KPNB1: variants seen among roughly 807,000 people sequenced by gnomAD.
KPNB1 encodes importin subunit beta-1.
Under a neutral mutation model 113.0 loss-of-function variants are expected in KPNB1, and 7 were observed. That is an observed-to-expected ratio of 0.06 (90% CI 0.04 to 0.12). The LOEUF (loss-of-function observed/expected upper bound fraction) is 0.12. KPNB1 is among the 10% of genes least tolerant of loss of function. KPNB1 has a pLI of 1.00. For missense variants in KPNB1, 400 were observed against 1,054.8 expected (o/e 0.38, Z 8.60); for synonymous variants, 363 against 378.6 (o/e 0.96, Z 0.48).
rs186053286 is a variant in KPNB1, at chr17:47,662,680, G to C, written c.697-409G>C. 1.2e-3 allele frequency among the ~76,000 whole-genome samples: 190 copies of C among 152,036 alleles called. 1 individual carries two copies. Among genetic ancestry groups the C allele is most frequent in the African/African-American group, 4.1e-3 (170 of 41,464 alleles). On this transcript the variant is annotated intron_variant, in intron 6 of 21. Transcript: ENST00000290158. ...GTGGATTGTCTGAGCTCAGGAGTTC[G>C]AGATGAGCCTGGTCAACATAGCAAA...
intron 9 of KPNB1, among the ~76,000 whole-genome samples, chr17:47,667,206 A>T (rs2030314386): frequency 6.6e-6 from 1 of 151,550 alleles, no homozygotes; most frequent in South Asian, 2.1e-4. Context: ...GCTCACTACA[A>T]CCTTCATCTC....
At position 47,676,267 on chromosome 17, in the gene KPNB1, A is replaced by G. The variant is rs369257838; in HGVS notation, c.1913-142A>G. On this transcript the variant is annotated intron_variant, in intron 15 of 21. Coordinates refer to ENST00000290158, the MANE Select transcript of KPNB1 (RefSeq NM_002265.6). ...TATGCAAGCCTTTAATGTCTTCATGATGGAATCGGTAACTAAAGCACATTT... is the reference window on the plus strand; with the variant it reads ...TATGCAAGCCTTTAATGTCTTCATGGTGGAATCGGTAACTAAAGCACATTT... The G allele has an allele frequency of 6.2e-6, 4 of 646,148 alleles. No homozygotes were observed. The East Asian group carries it at 8.2e-5, about 13-fold the overall frequency. The allele number at this position is 646,148 out of a possible 1,614,324, so 40.0% of individuals were successfully genotyped here.
At chr17:47,658,352 AAG>A (rs1425321978) in intron 4 of KPNB1, among the ~76,000 whole-genome samples, 154 bp from the exon 5 acceptor site, 4 of 152,192 alleles carry the variant, frequency 2.6e-5, no homozygotes, top group Non-Finnish European at 5.9e-5. Flanking sequence ...ACAAGAAAAA[AAG>A]GTGTACATGC....
rs772981781 is a variant in KPNB1 at position 47,682,453 on chromosome 17, C to T, written c.*49C>T. 2.6e-6 allele frequency: 2 copies of T among 779,490 alleles called. No homozygotes were observed. Among genetic ancestry groups the T allele is most frequent in the East Asian group, 2.4e-5 (1 of 41,248 alleles). The allele number at this position is 779,490 out of a possible 1,614,324, so 48.3% of individuals were successfully genotyped here. ...CTGAGGACCCCCACTGGAAATCTCC[C>T]ATCTTTTGAAAAACCTGGAAGTGAG... On this transcript the variant is annotated 3_prime_UTR_variant, in exon 22 of 22. Transcript: ENST00000290158.
chr17:47,669,897 A>AG, intron 11 of KPNB1, 28 bp downstream of exon 11: 1 of 1,527,172 alleles, frequency 6.5e-7, no homozygotes, highest in East Asian at 2.3e-5. Context: ...TGGTGAGAAA[A>AG]GGAGCTTGCC....
At position 47,664,183 on chromosome 17, in the gene KPNB1, G is replaced by A; in HGVS notation, c.811G>A (p.Asp271Asn). ...GATCACAATCGAAGCAATGAAAAGT[G>A]ACATTGATGAGGTGGCTTTACAAGG... The part of the protein sequence containing the change: ...FAITIEAMKS[D>N]IDEVALQGIE... The change falls in exon 8 of 22, where the codon GAC becomes AAC. Residue 271 changes from aspartate to asparagine, a missense_variant. Physicochemically the swap from Asp to Asn is conservative, Grantham distance 23 (BLOSUM62 1). Around this residue, in one of 2 missense-constraint regions of KPNB1, gnomAD observed 285 missense variants for 627.0 expected, o/e 0.45. Transcript: ENST00000290158. The A allele has an allele frequency of 6.2e-7, 1 of 1,613,090 alleles. No homozygotes were observed. Among genetic ancestry groups the A allele is most frequent in the Non-Finnish European group, 8.5e-7 (1 of 1,179,188 alleles).
At chr17:47,650,557 C>T (rs1915515986) in intron 2 of KPNB1, 113 bp downstream of exon 2, 2 of 742,616 alleles carry the variant, frequency 2.7e-6, no homozygotes. Context: ...CCATCCCGTC[C>T]CCCTCCCCCC....
intron 2 of KPNB1, chr17:47,651,196 A>T (rs1169728872): frequency 2.0e-6 from 2 of 984,940 alleles, no homozygotes; most frequent in Non-Finnish European, 2.4e-6. Context: ...ATATTTTAAA[A>T]TTTAAGGGGT....
intron 16 of KPNB1, 49 bp downstream of exon 16, chr17:47,676,540 C>T (rs752783110): frequency 7.4e-7 from 1 of 1,356,414 alleles, no homozygotes; most frequent in Non-Finnish European, 1.1e-6. Flanking sequence ...ATCTGACAGT[C>T]ACTGTAGTGC....
At chr17:47,663,028 TCTAA>T in intron 6 of KPNB1, 57 bp from the exon 7 acceptor site, 1 of 887,882 alleles carries the variant, frequency 1.1e-6, no homozygotes, top group Non-Finnish European at 1.9e-6. Flanking sequence ...TTTGAGTGAA[TCTAA>T]CTTTGTCAGA....
At position 47,673,567 on chromosome 17, in the gene KPNB1, G is replaced by T. The variant is rs756314401; in HGVS notation, c.1767+6G>T. On this transcript the variant is annotated splice_donor_region_variant and intron_variant, in intron 14 of 21. Coordinates refer to ENST00000290158, the MANE Select transcript of KPNB1 (RefSeq NM_002265.6). ...TACTCTGTGCAACTCTTCAGGTATG[G>T]TGGTGCCTTATGACTTAATAACTCC... is the stretch of plus-strand genomic sequence containing the variant. 1.1e-5 allele frequency: 18 copies of T among 1,604,184 alleles called. No homozygotes were observed. The Admixed American group carries it at 3.0e-4, about 27-fold the overall frequency.
intron 12 of KPNB1, among the ~76,000 whole-genome samples, chr17:47,671,389 TAG>T (rs1204258228): frequency 5.9e-5 from 9 of 152,242 alleles, no homozygotes; most frequent in African/African-American, 2.2e-4. Context: ...GCTTTCTTTG[TAG>T]AGAGTAATAG....
rs758563081 is a variant in KPNB1 at position 47,677,081 on chromosome 17, T to C, written c.2057T>C (p.Ile686Thr). 1 of 1,614,130 alleles carries C rather than the reference T, an allele frequency of 6.2e-7. No individual in the cohort carries two copies. Among genetic ancestry groups the C allele is most frequent in the East Asian group, 2.2e-5 (1 of 44,892 alleles). The change falls in exon 17 of 22, where the codon ATA becomes ACA. Residue 686 changes from isoleucine (I) to threonine (T), a missense_variant. Coordinates refer to ENST00000290158, the MANE Select transcript of KPNB1 (RefSeq NM_002265.6). Reference sequence around the variant, plus strand: ...TGCCGTGCCCTGCAATCCAACATCATACCTTTCTGTGACGAGGTGATGCAG... The same window carrying C: ...TGCCGTGCCCTGCAATCCAACATCACACCTTTCTGTGACGAGGTGATGCAG... ...DLCRALQSNI[I>T]PFCDEVMQLL...
In KPNB1 at chr17:47,681,241, CT is replaced by C. The variant is rs1256761751; in HGVS notation, c.2630+579del. 6.2e-5 allele frequency among the ~76,000 whole-genome samples: 9 copies of C among 145,160 alleles called. No homozygotes were observed. The South Asian group carries it at 1.6e-3, about 26-fold the overall frequency. On this transcript the variant is annotated intron_variant, in intron 21 of 21. Coordinates refer to ENST00000290158, the MANE Select transcript of KPNB1 (RefSeq NM_002265.6). ...CATGCCACCACACCCGACTAATTTT[CT>C]TTTTTTCTTTTCTTTTCTTCTTCTT...
At position 47,668,334 on chromosome 17, in the gene KPNB1, G is replaced by A; in HGVS notation, c.1148G>A (p.Arg383Gln). Reference protein sequence around the residue: ...EHIKNPDWRYRDAAVMAFGCI... With the variant: ...EHIKNPDWRYQDAAVMAFGCI... ...ATCAAGAACCCAGATTGGCGGTACC[G>A]GGATGCAGCAGTGATGGCTTTTGGT... The change falls in exon 10 of 22, where the codon CGG becomes CAG. Residue 383 changes from arginine to glutamine, a missense_variant. Arg to Gln is a conservative substitution (Grantham distance 43). Around this residue, in one of 2 missense-constraint regions of KPNB1, gnomAD observed 285 missense variants for 627.0 expected, o/e 0.45. Transcript: ENST00000290158. 6.2e-7 allele frequency: 1 copy of A among 1,614,154 alleles called. No individual in the cohort carries two copies. Among genetic ancestry groups the A allele is most frequent in the Non-Finnish European group, 8.5e-7 (1 of 1,180,036 alleles).
In KPNB1 at chr17:47,661,905, T is replaced by G. The variant is rs1355384981; in HGVS notation, c.696+727T>G. On this transcript the variant is annotated intron_variant, in intron 6 of 21. Transcript: ENST00000290158. ...CTAAAAAATATATATACACAAACAG[T>G]TAAGGGAGAAAAGGTTTTTGATCAG... Among the ~76,000 whole-genome samples the G allele has an allele frequency of 7.9e-5, 12 of 152,224 alleles. No individual in the cohort carries two copies. In the East Asian group the frequency reaches 2.3e-3, roughly 29 times the overall value.
At chr17:47,669,916 T>C (rs1207562677) in intron 11 of KPNB1, 47 bp downstream of exon 11, 3 of 1,386,130 alleles carry the variant, frequency 2.2e-6, no homozygotes, top group East Asian at 2.3e-5. Context: ...CCTGCGCCAC[T>C]GGCAAGAAAG....
At chr17:47,674,843 T>C in intron 15 of KPNB1, 61 bp downstream of exon 15, 1 of 1,522,108 alleles carries the variant, frequency 6.6e-7, no homozygotes. Flanking sequence ...TTCAGTGGCC[T>C]TAAATAATTG....
chr17:47,652,328 T>G (rs1364531724), intron 2 of KPNB1, among the ~76,000 whole-genome samples: 2 of 152,204 alleles, frequency 1.3e-5, no homozygotes, highest in Non-Finnish European at 2.9e-5. Flanking sequence ...TTATTAAAAG[T>G]TCTTGGGACA....
Sources: allele counts gnomAD v4.1 joint callset (sites outside exome capture counted in the v4.1 genomes callset), GRCh38; gene constraint gnomAD v4.1.1; regional missense constraint gnomAD v4.1.1; transcripts MANE v1.5; gene names NCBI Gene and HGNC (gene_info 2026-07-23, HGNC 2026-07-21).